The following SAMSN1 variants were observed in gnomAD, a reference collection of about 807,000 sequenced individuals.
SAMSN1 encodes the protein SAM domain, SH3 domain and nuclear localization signals 1, also known as SAM domain-containing protein SAMSN-1.
SAMSN1 carries 31 observed loss-of-function variants against 42.0 expected under a neutral mutation model. The ratio of observed to expected loss-of-function variants is 0.74; its 90% confidence interval spans 0.55 to 1.00. The LOEUF (loss-of-function observed/expected upper bound fraction) is 1.00. Among genes scored for constraint, SAMSN1 ranks in the 50% least tolerant of loss-of-function variants. The probability of loss-of-function intolerance (pLI) is 0.00; values close to 1 mark genes in which losing one functional copy is unlikely to be tolerated. For missense variants in SAMSN1, 464 were observed against 439.4 expected (o/e 1.06, Z -0.50); for synonymous variants, 178 against 151.9 (o/e 1.17, Z -1.26).
At chr21:14,513,707 T>C (rs1366738237) in intron 3 of SAMSN1, among the ~76,000 whole-genome samples, 1 of 152,190 alleles carries the variant, frequency 6.6e-6, no homozygotes, top group Non-Finnish European at 1.5e-5. Context: ...CATACAGTAA[T>C]ATATGCCCTG....
At chr21:14,606,482 CAA>C (rs1028264865) in intron 5 of SAMSN1, among the ~76,000 whole-genome samples, 1 of 151,982 alleles carries the variant, frequency 6.6e-6, no homozygotes, top group Non-Finnish European at 1.5e-5. Flanking sequence ...TTCACAGATT[CAA>C]AAGTTTGTTC....
chr21:14,524,012 GA>G (rs1380837995), intron 1 of SAMSN1, among the ~76,000 whole-genome samples: 1 of 152,096 alleles, frequency 6.6e-6, no homozygotes, highest in African/African-American at 2.4e-5. Flanking sequence ...CCCTTAAGAA[GA>G]AAATCTAAAT....
chr21:14,565,750 T>C (rs1476280478), intron 2 of SAMSN1, among the ~76,000 whole-genome samples: 1 of 152,180 alleles, frequency 6.6e-6, no homozygotes, highest in African/African-American at 2.4e-5. Flanking sequence ...CTTTAAAGTC[T>C]AGTGGTCTTT....
rs551358916 is a variant in SAMSN1, at chr21:14,490,985, T to G, written c.920-4871A>C. 3.9e-5 allele frequency among the ~76,000 whole-genome samples: 6 copies of G among 152,304 alleles called. No homozygotes were observed. In the South Asian group the frequency reaches 1.0e-3, roughly 26 times the overall value. ...CTACTCTCCCCAACCATACACCATA[T>G]GGAGGGCTTTGGTCCCAGGAAATAT... On this transcript the variant is annotated intron_variant, in intron 7 of 7. Coordinates refer to ENST00000400566, the MANE Select transcript of SAMSN1 (RefSeq NM_022136.5).
intron 6 of SAMSN1, 144 bp from the exon 7 acceptor site, chr21:14,498,736 T>C (rs1987012459): frequency 1.7e-6 from 1 of 583,790 alleles, no homozygotes; most frequent in South Asian, 2.7e-5. Context: ...TGTATTCGTT[T>C]CTGACATATG....
intron 7 of SAMSN1, among the ~76,000 whole-genome samples, chr21:14,487,045 T>C (rs1425436661): frequency 1.3e-5 from 2 of 152,156 alleles, no homozygotes; most frequent in East Asian, 3.8e-4. Flanking sequence ...AGAGAAGAAA[T>C]AGATCTCAGG....
At chr21:14,525,216 G>T (rs1239088237) in intron 1 of SAMSN1, among the ~76,000 whole-genome samples, 1 of 152,128 alleles carries the variant, frequency 6.6e-6, no homozygotes, top group African/African-American at 2.4e-5. Context: ...CAGAATATGT[G>T]CTTTGTGATG....
intron 6 of SAMSN1, among the ~76,000 whole-genome samples, chr21:14,598,615 C>T (rs1450449004): frequency 2.6e-5 from 4 of 152,136 alleles, no homozygotes. Flanking sequence ...GAAAGCATTC[C>T]ATGAACTCCT....
At chr21:14,520,800 T>A (rs1600889138) in intron 2 of SAMSN1, among the ~76,000 whole-genome samples, 1 of 152,072 alleles carries the variant, frequency 6.6e-6, no homozygotes, top group East Asian at 1.9e-4. Flanking sequence ...GCCTCTTTTG[T>A]TGTTATGTGG....
At chr21:14,607,977 T>G (rs1982607909) in intron 5 of SAMSN1, among the ~76,000 whole-genome samples, 1 of 152,170 alleles carries the variant, frequency 6.6e-6, no homozygotes, top group Non-Finnish European at 1.5e-5. Context: ...TGACTGAAGG[T>G]GTGGATGCAT....
At chr21:14,540,344 A>T (rs1341243287) in intron 1 of SAMSN1, among the ~76,000 whole-genome samples, 3 of 152,236 alleles carry the variant, frequency 2.0e-5, no homozygotes, top group African/African-American at 7.2e-5. Context: ...CTACCATCAG[A>T]ATGAACAGGC....
chr21:14,529,709 T>C (rs560929707), intron 1 of SAMSN1, among the ~76,000 whole-genome samples: 1 of 152,202 alleles, frequency 6.6e-6, no homozygotes, highest in African/African-American at 2.4e-5. Flanking sequence ...AAATATAGAA[T>C]CAATTCCTAT....
At position 14,489,087 on chromosome 21, in the gene SAMSN1, TA is replaced by T. The variant is rs1200508190; in HGVS notation, c.920-2974del. ...TCCTGCAGAGGAGATGAATTCACAT[TA>T]ATGCATCCACATTTTCTTTCTAAGT... On this transcript the variant is annotated intron_variant, in intron 7 of 7. Transcript: ENST00000400566. Among the ~76,000 whole-genome samples the T allele has an allele frequency of 2.0e-5, 3 of 152,176 alleles. No homozygotes were observed. The South Asian group carries it at 6.2e-4, about 31-fold the overall frequency.
chr21:14,517,768 CTA>C (rs1170496319), intron 2 of SAMSN1, among the ~76,000 whole-genome samples: 1 of 152,070 alleles, frequency 6.6e-6, no homozygotes, highest in Non-Finnish European at 1.5e-5. Flanking sequence ...CCACAAGACT[CTA>C]TATGTCATAA....
chr21:14,635,508 G>T (rs1199825470), intron 2 of SAMSN1, among the ~76,000 whole-genome samples: 3 of 152,168 alleles, frequency 2.0e-5, no homozygotes, highest in Non-Finnish European at 4.4e-5. Flanking sequence ...AATTTGTGGA[G>T]ATTAAAATCT....
intron 2 of SAMSN1, among the ~76,000 whole-genome samples, chr21:14,636,419 A>G (rs1455444404): frequency 6.6e-6 from 1 of 152,158 alleles, no homozygotes; most frequent in African/African-American, 2.4e-5. Flanking sequence ...CTTGTGGCAG[A>G]GAGACCAAAA....
chr21:14,629,060 G>A (rs79639141), intron 2 of SAMSN1, among the ~76,000 whole-genome samples: 3,480 of 152,080 alleles, frequency 0.023, 49 homozygotes, highest in Non-Finnish European at 0.036. Flanking sequence ...TATGCTTGAC[G>A]GCATAGATCC....
intron 2 of SAMSN1, among the ~76,000 whole-genome samples, chr21:14,565,702 G>A (rs189680619): frequency 1.1e-3 from 172 of 151,628 alleles, no homozygotes; most frequent in African/African-American, 2.1e-3. Flanking sequence ...TGTGACTGCG[G>A]ATGTCATCGA....
At chr21:14,621,173 C>T (rs1039472049) in intron 2 of SAMSN1, among the ~76,000 whole-genome samples, 2 of 152,148 alleles carry the variant, frequency 1.3e-5, no homozygotes, top group South Asian at 4.1e-4. Context: ...AGGTAATAGA[C>T]AGGGTGGTTC....
Sources: allele counts gnomAD v4.1 joint callset (sites outside exome capture counted in the v4.1 genomes callset), GRCh38; gene constraint gnomAD v4.1.1; transcripts MANE v1.5; gene names NCBI Gene and HGNC (gene_info 2026-07-23, HGNC 2026-07-21).